SYT16: variants seen among roughly 807,000 people sequenced by gnomAD.
SYT16 encodes the protein synaptotagmin-16.
In SYT16, 42 loss-of-function variants were observed where a neutral mutation model predicts 61.4. The observed-to-expected ratio is 0.68, with a 90% CI of 0.53 to 0.89. The LOEUF (loss-of-function observed/expected upper bound fraction) is 0.89. SYT16 is among the 40% of genes least tolerant of loss of function. The probability of loss-of-function intolerance (pLI) is 0.00; values close to 1 mark genes in which losing one functional copy is unlikely to be tolerated. For synonymous variants in SYT16, 314 were observed against 302.3 expected, an observed-to-expected ratio of 1.04 and a Z score of -0.40; for missense variants, 804 against 807.3, an observed-to-expected ratio of 1.00 and a Z score of 0.05.
At position 62,084,204 on chromosome 14, in the gene SYT16, G is replaced by C. The variant is rs1360559758; in HGVS notation, c.1443G>C (p.Gly481=). ...LEPRSNISSG[G]SPLSPSAVSH... is the part of the protein sequence containing the mutation. ...TTGTTCTTCCCCTCCAGAGTGGAGGGTCTCCGCTCAGCCCATCTGCGGTTT... is the reference window on the plus strand; with the variant it reads ...TTGTTCTTCCCCTCCAGAGTGGAGGCTCTCCGCTCAGCCCATCTGCGGTTT... Residue 481 remains glycine (G), a synonymous_variant, in exon 7 of 8, where the codon GGG becomes GGC. Transcript: ENST00000683842. 4 of 1,613,506 alleles carry C rather than the reference G, an allele frequency of 2.5e-6. No homozygotes were observed. The highest frequency in any genetic ancestry group is 3.4e-6 in the Non-Finnish European group (4 of 1,179,782).
At chr14:61,982,775 G>A (rs187211139) in intron 2 of SYT16, among the ~76,000 whole-genome samples, 24 of 152,248 alleles carry the variant, frequency 1.6e-4, no homozygotes, top group South Asian at 6.2e-4. Context: ...TTCAATTATA[G>A]ATGAGGCAAT....
intron 1 of SYT16, among the ~76,000 whole-genome samples, chr14:61,857,547 G>A (rs897837904): frequency 1.4e-4 from 21 of 152,196 alleles, no homozygotes; most frequent in African/African-American, 4.8e-4. Flanking sequence ...GGTAAGCCTG[G>A]CTGGAGTTGG....
In SYT16 at chr14:62,069,739, A is replaced by T; in HGVS notation, c.660A>T (p.Gly220=). 6.2e-7 allele frequency: 1 copy of T among 1,614,010 alleles called. No individual in the cohort carries two copies. The highest frequency in any genetic ancestry group is 1.1e-5 in the South Asian group (1 of 91,080). The change falls in exon 4 of 8, where the codon GGA becomes GGT. Residue 220 remains glycine, a synonymous_variant. Transcript: ENST00000683842. ...SVTSEKGKQT[G]LEQKPKFSRS... ...CATCTGAGAAAGGAAAGCAGACAGG[A>T]TTGGAGCAGAAACCAAAATTCAGCC...
intron 3 of SYT16, among the ~76,000 whole-genome samples, chr14:62,018,428 C>CT (rs1336504685): frequency 1.3e-5 from 2 of 150,746 alleles, no homozygotes; most frequent in Non-Finnish European, 3.0e-5. Flanking sequence ...CTACCTCAGC[C>CT]TCCCAAGTAA....
At chr14:61,840,941 G>C (rs1455002794) in intron 1 of SYT16, among the ~76,000 whole-genome samples, 1 of 152,176 alleles carries the variant, frequency 6.6e-6, no homozygotes, top group Non-Finnish European at 1.5e-5. Context: ...GAAGGGGAGA[G>C]ATGGAGGTGT....
At chr14:61,932,736 C>A (rs2049825056) in intron 1 of SYT16, among the ~76,000 whole-genome samples, 1 of 152,100 alleles carries the variant, frequency 6.6e-6, no homozygotes, top group Non-Finnish European at 1.5e-5. Context: ...CTTCTCTCTC[C>A]CTTACACCCC....
intron 3 of SYT16, among the ~76,000 whole-genome samples, chr14:62,045,122 A>G (rs930366322): frequency 1.8e-4 from 28 of 152,206 alleles, no homozygotes; most frequent in Non-Finnish European, 3.8e-4. Context: ...TGGGTGACAG[A>G]GTGAGACTAT....
chr14:61,906,711 TTCCATCCA>T (rs761316889), intron 1 of SYT16, among the ~76,000 whole-genome samples: 65 of 55,716 alleles, frequency 1.2e-3, no homozygotes, highest in Admixed American at 1.5e-3. Flanking sequence ...CCATCCATCC[TTCCATCCA>T]TCCATCCATC....
At position 61,852,848 on chromosome 14, in the gene SYT16, T is replaced by G. The variant is rs116416543; in HGVS notation, c.-325+40038T>G. On this transcript the variant is annotated intron_variant, in intron 1 of 7. Coordinates refer to ENST00000683842, the MANE Select transcript of SYT16 (RefSeq NM_001367656.1). ...TTTGAAAGAAAGTTAATTAGGATTT[T>G]TAAAAGTCAAATTGATACTGTAAAC... Among the ~76,000 whole-genome samples the G allele has an allele frequency of 4.1e-3, 628 of 152,360 alleles. 3 individuals carry two copies. The highest frequency in any genetic ancestry group is 0.014 in the African/African-American group (597 of 41,586).
At chr14:61,905,820 T>G (rs1241472650) in intron 1 of SYT16, among the ~76,000 whole-genome samples, 1 of 151,724 alleles carries the variant, frequency 6.6e-6, no homozygotes, top group Non-Finnish European at 1.5e-5. Context: ...TGTAGTGGTG[T>G]GATCTTGGCT....
intron 2 of SYT16, among the ~76,000 whole-genome samples, chr14:61,990,788 T>A (rs2052516387): frequency 6.6e-6 from 1 of 152,150 alleles, no homozygotes; most frequent in South Asian, 2.1e-4. Flanking sequence ...TAAAGGACTA[T>A]GAGCATTGTT....
In SYT16 at chr14:62,101,742, A is replaced by C. The variant is rs1488661011; in HGVS notation, c.*1035A>C. 1 of 152,186 alleles carries C rather than the reference A, an allele frequency of 6.6e-6. No homozygotes were observed. Among genetic ancestry groups the C allele is most frequent in the Non-Finnish European group, 1.5e-5 (1 of 68,024 alleles). The allele number at this position is 152,186 out of a possible 1,614,324, so 9.4% of individuals were successfully genotyped here. Reference sequence around the variant, plus strand: ...AACATGTTATAACACCTGTGAATGGAGAAATATTTTCAGCTTGTGTGGAAT... The same window carrying C: ...AACATGTTATAACACCTGTGAATGGCGAAATATTTTCAGCTTGTGTGGAAT... On this transcript the variant is annotated 3_prime_UTR_variant, in exon 8 of 8. Coordinates refer to ENST00000683842, the MANE Select transcript of SYT16 (RefSeq NM_001367656.1).
At chr14:61,973,554 T>G (rs1455801448) in intron 2 of SYT16, among the ~76,000 whole-genome samples, 3 of 152,130 alleles carry the variant, frequency 2.0e-5, no homozygotes, top group Non-Finnish European at 4.4e-5. Flanking sequence ...AAAAATTGAT[T>G]AAAAATAAAA....
intron 1 of SYT16, among the ~76,000 whole-genome samples, chr14:61,967,797 A>G (rs1166409073): frequency 6.6e-6 from 1 of 152,186 alleles, no homozygotes; most frequent in Non-Finnish European, 1.5e-5. Flanking sequence ...TCAACCTGCT[A>G]CAGGAGGCTT....
intron 1 of SYT16, among the ~76,000 whole-genome samples, chr14:61,824,064 A>G (rs979025459): frequency 1.3e-5 from 2 of 152,204 alleles, no homozygotes; most frequent in African/African-American, 4.8e-5. Context: ...GTCTATATAA[A>G]ATGAATATAA....
Position 61,905,937 on chromosome 14 carries a change from A to G in SYT16, c.-324-64195A>G, listed in dbSNP as rs921295989. On this transcript the variant is annotated intron_variant, in intron 1 of 7. Transcript: ENST00000683842. ...CACGCCCAGCTATTTTTGTATTTTT[A>G]GTAGAGACGGGGTTTCACCACGTTG... Among the ~76,000 whole-genome samples the G allele has an allele frequency of 5.3e-5, 8 of 152,066 alleles. No homozygotes were observed. In the South Asian group the frequency reaches 1.7e-3, roughly 32 times the overall value.
intron 5 of SYT16, among the ~76,000 whole-genome samples, chr14:62,079,972 T>C (rs2056649499): frequency 6.6e-6 from 1 of 152,202 alleles, no homozygotes; most frequent in South Asian, 2.1e-4. Context: ...GGTATTTTCA[T>C]ATCAATGAAA....
chr14:61,875,362 A>G (rs1339433602), intron 1 of SYT16, among the ~76,000 whole-genome samples: 2 of 152,240 alleles, frequency 1.3e-5, no homozygotes, highest in Non-Finnish European at 2.9e-5. Context: ...TTTGGGAATT[A>G]GAGAAATTTA....
intron 1 of SYT16, among the ~76,000 whole-genome samples, chr14:61,905,066 A>T (rs1477892906): frequency 2.0e-5 from 3 of 152,106 alleles, no homozygotes; most frequent in African/African-American, 7.3e-5. Flanking sequence ...TCCCACTTCG[A>T]AAACCTCTCC....
Sources: allele counts gnomAD v4.1 joint callset (sites outside exome capture counted in the v4.1 genomes callset), GRCh38; gene constraint gnomAD v4.1.1; transcripts MANE v1.5; gene names NCBI Gene and HGNC (gene_info 2026-07-23, HGNC 2026-07-21).